Variants in CRYBG3 observed in about 807,000 individuals in gnomAD.
The protein encoded by CRYBG3 is crystallin beta-gamma domain containing 3.
In CRYBG3, 127 loss-of-function variants were observed where a neutral mutation model predicts 244.2. The observed-to-expected ratio is 0.52, with a 90% CI of 0.45 to 0.60. The LOEUF is 0.60. CRYBG3 is among the 20% of genes least tolerant of loss of function. CRYBG3 has a pLI of 0.00. For missense variants in CRYBG3, 3,325 were observed against 3,442.5 expected (o/e 0.97, Z 0.85); for synonymous variants, 1,132 against 1,195.8 (o/e 0.95, Z 1.10).
At chr3:97,907,738 C>G (rs1197709747) in intron 15 of CRYBG3, among the ~76,000 whole-genome samples, 7 of 152,082 alleles carry the variant, frequency 4.6e-5, no homozygotes, top group Middle Eastern at 3.4e-3. Flanking sequence ...TTTTGTGTCT[C>G]TATTTCCTTC....
chr3:97,902,529 C>G lies in CRYBG3; in HGVS notation c.8004+2044C>G, dbSNP rs831892. On this transcript the variant is annotated intron_variant, in intron 15 of 21. Transcript: ENST00000389622. ...AAGCGGGATACATGTACAGAACGTG[C>G]AGGTTTGTTTTATAGGTATACGTGT... is the stretch of plus-strand genomic sequence containing the variant. Among the ~76,000 whole-genome samples the G allele has an allele frequency of 2.5e-3, 379 of 150,684 alleles. 3 individuals are homozygous for G. In the East Asian group the frequency reaches 0.025, roughly 10 times the overall value.
intron 17 of CRYBG3, among the ~76,000 whole-genome samples, chr3:97,926,998 T>G: frequency 6.6e-6 from 1 of 151,946 alleles, no homozygotes; most frequent in South Asian, 2.1e-4. Context: ...TGCCCGAAGC[T>G]ATTTACAGAT....
intron 16 of CRYBG3, among the ~76,000 whole-genome samples, chr3:97,913,239 C>T (rs914511239): frequency 1.3e-5 from 2 of 152,152 alleles, no homozygotes; most frequent in African/African-American, 2.4e-5. Context: ...CAAGTTCAAG[C>T]TCTTTCTTTT....
At chr3:97,870,645 G>C (rs2039291796) in intron 3 of CRYBG3, among the ~76,000 whole-genome samples, 1 of 152,078 alleles carries the variant, frequency 6.6e-6, no homozygotes, top group Non-Finnish European at 1.5e-5. Flanking sequence ...AAGGTAATTA[G>C]AGTTCAAAAT....
rs111518546 is a variant in CRYBG3, at chr3:97,839,092, C to G, written c.150-4103C>G. On this transcript the variant is annotated intron_variant, in intron 1 of 21. Transcript: ENST00000389622. ...TTGTGCGTACATGTGATTTTGAATT[C>G]TGCTCTTCACCCCCTGCCATGAATA... Among the ~76,000 whole-genome samples, 505 of 152,236 alleles carry G rather than the reference C, an allele frequency of 3.3e-3. 2 individuals carry two copies. The highest frequency in any genetic ancestry group is 0.012 in the African/African-American group (482 of 41,558).
chr3:97,885,277 T>G (rs1220832501), intron 7 of CRYBG3, among the ~76,000 whole-genome samples: 1 of 152,118 alleles, frequency 6.6e-6, no homozygotes, highest in African/African-American at 2.4e-5. Context: ...TAAGAATGAT[T>G]GAGAATTCAG....
intron 1 of CRYBG3, among the ~76,000 whole-genome samples, chr3:97,827,862 A>AGCTTCCTCCGCTTAACTTG (rs2038599106): frequency 1.3e-5 from 2 of 152,188 alleles, no homozygotes; most frequent in African/African-American, 2.4e-5. Context: ...ATTATGTGAC[A>AGCTTCCTCCGCTTAACTTG]GCTTCCTCCG....
chr3:97,869,315 CATG>C (rs1173062031), intron 3 of CRYBG3, among the ~76,000 whole-genome samples: 2 of 152,004 alleles, frequency 1.3e-5, no homozygotes, highest in South Asian at 2.1e-4. Context: ...TTGAATAAAA[CATG>C]ATACATTATT....
rs1431352148 is a variant in CRYBG3 at position 97,874,615 on chromosome 3, C to T, written c.3421C>T (p.Pro1141Ser). 1.3e-6 allele frequency: 2 copies of T among 1,535,986 alleles called. No homozygotes were observed. Among genetic ancestry groups the T allele is most frequent in the South Asian group, 2.4e-5 (2 of 84,052 alleles). Residue 1141 changes from proline (P) to serine (S), a missense_variant, in exon 4 of 22, where the codon CCA becomes TCA. Around this residue, in one of 4 missense-constraint regions of CRYBG3, gnomAD observed 1,526 missense variants for 1,443.2 expected, o/e 1.06. Coordinates refer to ENST00000389622, the MANE Select transcript of CRYBG3 (RefSeq NM_153605.4). ...IYTGKISIDF[P>S]TAAQFDNLVE... The stretch of plus-strand genomic sequence containing the variant: ...TACTGGGAAGATATCCATTGATTTC[C>T]CAACTGCTGCCCAATTTGACAATCT...
intron 17 of CRYBG3, 154 bp from the exon 18 acceptor site, chr3:97,933,540 T>C (rs760086992): frequency 8.9e-6 from 7 of 787,214 alleles, no homozygotes; most frequent in South Asian, 7.3e-5. Flanking sequence ...ATCTAATCTT[T>C]CCAGTGCAGT....
chr3:97,877,812 C>T lies in CRYBG3; in HGVS notation c.6618C>T (p.Ser2206=). Reference sequence around the variant, plus strand: ...TGATGCCAAATGAACCTACTACCTCCAATCTGCAAGTTGGTCTGTGGCCAG... The same window carrying T: ...TGATGCCAAATGAACCTACTACCTCTAATCTGCAAGTTGGTCTGTGGCCAG... ...SYVMPNEPTT[S]NLQVGLWPEK... The change falls in exon 4 of 22, where the codon TCC becomes TCT. Residue 2206 remains serine, a synonymous_variant. Transcript: ENST00000389622. 1 of 1,614,076 alleles carries T rather than the reference C, an allele frequency of 6.2e-7. No homozygotes were observed. Among genetic ancestry groups the T allele is most frequent in the East Asian group, 2.2e-5 (1 of 44,872 alleles).
At chr3:97,848,537 G>A (rs1000245044) in intron 2 of CRYBG3, among the ~76,000 whole-genome samples, 2 of 152,030 alleles carry the variant, frequency 1.3e-5, no homozygotes, top group Admixed American at 1.3e-4. Flanking sequence ...TTCTGTCCTC[G>A]TGATCCGCCT....
intron 15 of CRYBG3, among the ~76,000 whole-genome samples, chr3:97,907,073 GC>G (rs2039784603): frequency 6.6e-6 from 1 of 152,272 alleles, no homozygotes; most frequent in Non-Finnish European, 1.5e-5. Context: ...TATTGAAACA[GC>G]CTTGCATCCC....
chr3:97,857,639 T>C (rs2039085653), intron 2 of CRYBG3, among the ~76,000 whole-genome samples: 1 of 152,152 alleles, frequency 6.6e-6, no homozygotes, highest in East Asian at 1.9e-4. Flanking sequence ...TTTTGACTTG[T>C]AGTCGGTTTT....
chr3:97,936,464 A>G (rs557461864), intron 18 of CRYBG3, among the ~76,000 whole-genome samples: 5 of 152,178 alleles, frequency 3.3e-5, no homozygotes, highest in Admixed American at 6.5e-5. Flanking sequence ...GCTGGTTAAT[A>G]GGAGGTTATG....
rs1282059528 is a variant in CRYBG3, at chr3:97,886,741, T to C, written c.7263T>C (p.Ser2421=). The C allele has an allele frequency of 4.3e-6, 7 of 1,609,350 alleles. No homozygotes were observed. Among genetic ancestry groups the C allele is most frequent in the Non-Finnish European group, 5.9e-6 (7 of 1,178,256 alleles). ...PNLEELNISK[S]VSFTVKSGVW... ...TGGAAGAACTGAATATCTCCAAATC[T>C]GTGTCCTTCACTGTGAAGTCAGGAG... Residue 2421 remains serine, a synonymous_variant, in exon 8 of 22, where the codon TCT becomes TCC. Transcript: ENST00000389622.
intron 17 of CRYBG3, among the ~76,000 whole-genome samples, chr3:97,917,985 A>T (rs2039945529): frequency 6.6e-6 from 1 of 152,118 alleles, no homozygotes; most frequent in Admixed American, 6.6e-5. Context: ...GTAGTTAGGA[A>T]TTGATATGCC....
intron 16 of CRYBG3, 22 bp from the exon 17 acceptor site, chr3:97,915,588 T>C (rs1323874770): frequency 1.3e-6 from 2 of 1,596,872 alleles, no homozygotes; most frequent in South Asian, 2.2e-5. Context: ...TTTGATTGAA[T>C]GTCTTACTGC....
At chr3:97,881,922 G>A (rs898409406) in intron 7 of CRYBG3, among the ~76,000 whole-genome samples, 2 of 151,304 alleles carry the variant, frequency 1.3e-5, no homozygotes, top group African/African-American at 2.4e-5. Context: ...TAATAGTATA[G>A]TATTGGCTGG....
Sources: allele counts gnomAD v4.1 joint callset (sites outside exome capture counted in the v4.1 genomes callset), GRCh38; gene constraint gnomAD v4.1.1; regional missense constraint gnomAD v4.1.1; transcripts MANE v1.5; gene names NCBI Gene and HGNC (gene_info 2026-07-23, HGNC 2026-07-21).